The following GOSR1 variants were observed in gnomAD, a reference collection of about 807,000 sequenced individuals.
GOSR1 encodes 28 kDa Golgi SNARE protein.
Under a neutral mutation model 35.5 loss-of-function variants are expected in GOSR1, and 21 were observed. The observed-to-expected ratio is 0.59, with a 90% CI of 0.42 to 0.85. The LOEUF (loss-of-function observed/expected upper bound fraction) is 0.85, where lower values mean the gene tolerates loss of function less well. GOSR1 is among the 40% of genes least tolerant of loss of function. The pLI, the probability that GOSR1 is intolerant of heterozygous loss-of-function variation, is 0.00. For synonymous variants in GOSR1, 94 were observed against 106.6 expected (o/e 0.88, Z 0.73); for missense variants, 285 against 309.6 (o/e 0.92, Z 0.60).
At chr17:30,514,510 G>T (rs1967729334) in intron 7 of GOSR1, among the ~76,000 whole-genome samples, 1 of 152,160 alleles carries the variant, frequency 6.6e-6, no homozygotes, top group Non-Finnish European at 1.5e-5. Context: ...AGAATTCTGA[G>T]TTGGAAATAA....
In GOSR1 at chr17:30,526,600, T is replaced by G. The variant is rs565987625; in HGVS notation, c.*4222T>G. On this transcript the variant is annotated 3_prime_UTR_variant, in exon 9 of 9. Transcript: ENST00000451249. ...CAATTCCAACCATACTTTCCTGTGA[T>G]GGAAGATGTTTCCTCTTGAAAAAAT... The G allele has an allele frequency of 6.5e-5, 10 of 152,804 alleles. No homozygotes were observed. Among genetic ancestry groups the G allele is most frequent in the African/African-American group, 2.4e-4 (10 of 41,590 alleles). 9.5% of individuals were successfully genotyped at this position (152,804 alleles called of 1,614,324 possible).
chr17:30,514,097 C>T (rs140083421), intron 7 of GOSR1, among the ~76,000 whole-genome samples: 247 of 152,314 alleles, frequency 1.6e-3, no homozygotes, highest in African/African-American at 5.7e-3. Context: ...TTGTCATAAT[C>T]TCTCAAACTG....
chr17:30,526,239 C>G lies in GOSR1; in HGVS notation c.*3861C>G, dbSNP rs1968180129. On this transcript the variant is annotated 3_prime_UTR_variant, in exon 9 of 9. Transcript: ENST00000451249. Reference sequence around the variant, plus strand: ...CTACTTCTGGATCCAAATGTTACCTCTTAGGGGAAGTTATGCCCCCTCAAC... The same window carrying G: ...CTACTTCTGGATCCAAATGTTACCTGTTAGGGGAAGTTATGCCCCCTCAAC... 1 of 152,210 alleles carries G rather than the reference C, an allele frequency of 6.6e-6. No individual in the cohort carries two copies. Among genetic ancestry groups the G allele is most frequent in the Admixed American group, 6.5e-5 (1 of 15,284 alleles). The allele number at this position is 152,210 out of a possible 1,614,324, so 9.4% of individuals were successfully genotyped here.
At chr17:30,516,783 A>C (rs1236994622) in intron 7 of GOSR1, among the ~76,000 whole-genome samples, 2 of 152,088 alleles carry the variant, frequency 1.3e-5, no homozygotes, top group Non-Finnish European at 2.9e-5. Flanking sequence ...GCGCGATCTC[A>C]GCTCACTGCA....
chr17:30,489,827 G>A (rs1261362736), intron 4 of GOSR1, among the ~76,000 whole-genome samples: 1 of 152,136 alleles, frequency 6.6e-6, no homozygotes, highest in African/African-American at 2.4e-5. Flanking sequence ...ACTATTTGAA[G>A]TTATTTTATC....
At chr17:30,486,184 T>G (rs1914672708) in intron 4 of GOSR1, among the ~76,000 whole-genome samples, 1 of 152,132 alleles carries the variant, frequency 6.6e-6, no homozygotes. Flanking sequence ...TATAACGTTG[T>G]TTTTTAAGTT....
rs897189053 is a variant in GOSR1 at position 30,522,895 on chromosome 17, C to G, written c.*517C>G. On this transcript the variant is annotated 3_prime_UTR_variant, in exon 9 of 9. Transcript: ENST00000451249. Reference sequence around the variant, plus strand: ...AAGCTGGACTGTACTGCTGCCATCTCGGCTCACTGCAACCTCCCTGCCTGA... The same window carrying G: ...AAGCTGGACTGTACTGCTGCCATCTGGGCTCACTGCAACCTCCCTGCCTGA... The G allele has an allele frequency of 1.8e-5, 3 of 164,390 alleles. No homozygotes were observed. The highest frequency in any genetic ancestry group is 1.4e-4 in the South Asian group (1 of 7,236). 10.2% of individuals were successfully genotyped at this position (164,390 alleles called of 1,614,324 possible). A position where few individuals can be genotyped will look rare whatever the true frequency, so the allele number is the denominator to read the frequency against.
At chr17:30,484,929 G>T (rs2143634114) in intron 4 of GOSR1, 159 bp downstream of exon 4, 1 of 660,952 alleles carries the variant, frequency 1.5e-6, no homozygotes, top group East Asian at 2.8e-5. Context: ...ACTTTTTTTT[G>T]GGGTCACCAT....
chr17:30,485,658 C>A (rs531239497), intron 4 of GOSR1, among the ~76,000 whole-genome samples: 10 of 152,240 alleles, frequency 6.6e-5, no homozygotes, highest in Non-Finnish European at 1.3e-4. Context: ...GCCGCTGTAC[C>A]CAGCCACAAA....
chr17:30,484,662 G>A lies in GOSR1; in HGVS notation c.235-1G>A. On this transcript the variant is annotated splice_acceptor_variant, in intron 3 of 8. Transcript: ENST00000451249. LOFTEE classifies it high-confidence loss of function. ...ATTGTTTTTTTTTTCTTTATTTCTAGCTTACAGGGGTAAATGATAAAATGG... is the reference window on the plus strand; with the variant it reads ...ATTGTTTTTTTTTTCTTTATTTCTAACTTACAGGGGTAAATGATAAAATGG... 1.4e-6 allele frequency: 2 copies of A among 1,431,876 alleles called. No homozygotes were observed. The highest frequency in any genetic ancestry group is 1.9e-6 in the Non-Finnish European group (2 of 1,042,388). 88.7% of individuals were successfully genotyped at this position (1,431,876 alleles called of 1,614,324 possible). A position where few individuals can be genotyped will look rare whatever the true frequency, so the allele number is the denominator to read the frequency against.
chr17:30,481,592 G>GT (rs1914353830), intron 2 of GOSR1, among the ~76,000 whole-genome samples: 1 of 152,054 alleles, frequency 6.6e-6, no homozygotes, highest in Admixed American at 6.5e-5. Flanking sequence ...TATTTCTTGT[G>GT]TTTTTCAATT....
chr17:30,477,934 G>A (rs185177739), intron 1 of GOSR1: 9 of 983,362 alleles, frequency 9.2e-6, no homozygotes, highest in Middle Eastern at 1.0e-3. Flanking sequence ...GTCCGTCGGA[G>A]GAAGTATGAA....
intron 6 of GOSR1, among the ~76,000 whole-genome samples, chr17:30,497,989 C>A (rs1389275100): frequency 6.9e-6 from 1 of 144,286 alleles, no homozygotes; most frequent in Non-Finnish European, 1.5e-5. Context: ...ACCTGGCAGG[C>A]AGAAGTTGCA....
intron 1 of GOSR1, chr17:30,479,216 C>T (rs1050971967): frequency 3.3e-5 from 5 of 152,164 alleles, no homozygotes; most frequent in Admixed American, 6.5e-5. Context: ...GTTTTGTATT[C>T]TTTTTGAAAG....
At chr17:30,515,508 C>T (rs779770808) in intron 7 of GOSR1, among the ~76,000 whole-genome samples, 10 of 152,046 alleles carry the variant, frequency 6.6e-5, no homozygotes, top group Non-Finnish European at 1.3e-4. Context: ...AGGTCTTCTA[C>T]TGGACTAGGG....
chr17:30,482,314 C>T (rs1485202416), intron 2 of GOSR1, among the ~76,000 whole-genome samples: 1 of 152,052 alleles, frequency 6.6e-6, no homozygotes, highest in East Asian at 1.9e-4. Flanking sequence ...TTATGACTAT[C>T]ACAGTTTAAC....
rs578027478 is a variant in GOSR1, at chr17:30,526,890, G to A, written c.*4512G>A. On this transcript the variant is annotated 3_prime_UTR_variant, in exon 9 of 9. Transcript: ENST00000451249. ...GGATAGAGATTATGGTATCTCTGGT[G>A]TTGATAAGTGTTTCTCATGATGTCC... The A allele has an allele frequency of 6.6e-5, 10 of 152,402 alleles. No homozygotes were observed. The highest frequency in any genetic ancestry group is 2.0e-4 in the Admixed American group (3 of 15,312). 9.4% of individuals were successfully genotyped at this position (152,402 alleles called of 1,614,324 possible). A position where few individuals can be genotyped will look rare whatever the true frequency, so the allele number is the denominator to read the frequency against.
intron 2 of GOSR1, 193 bp downstream of exon 2, chr17:30,481,450 G>T: frequency 2.5e-6 from 1 of 398,736 alleles, no homozygotes. Flanking sequence ...CATTTATTTG[G>T]AATCCTTAGG....
chr17:30,483,057 G>A (rs1296673801), intron 2 of GOSR1: 5 of 151,704 alleles, frequency 3.3e-5, no homozygotes, highest in Non-Finnish European at 7.4e-5. Flanking sequence ...TGATGCCCAG[G>A]TTGGAAGCAT....
Sources: gnomAD v4.1 joint callset for allele counts (sites outside exome capture counted in the v4.1 genomes callset) on GRCh38, gnomAD v4.1.1 for gene constraint, MANE v1.5 for transcripts, NCBI Gene and HGNC (gene_info 2026-07-23, HGNC 2026-07-21) for gene names.